The following GGNBP2 variants were observed in gnomAD, a reference collection of about 807,000 sequenced individuals.
GGNBP2 encodes gametogenetin-binding protein 2.
GGNBP2 carries 10 observed loss-of-function variants against 85.9 expected under a neutral mutation model. That is an observed-to-expected ratio of 0.12 (90% confidence interval 0.07 to 0.20). The LOEUF is 0.20. Among genes scored for constraint, GGNBP2 ranks in the 10% least tolerant of loss-of-function variants. The probability of loss-of-function intolerance (pLI) is 1.00; values close to 1 mark genes in which losing one functional copy is unlikely to be tolerated. For missense variants in GGNBP2, 595 were observed against 857.8 expected, an observed-to-expected ratio of 0.69 and a Z score of 3.83; for synonymous variants, 287 against 285.7, an observed-to-expected ratio of 1.00 and a Z score of -0.05.
intron 3 of GGNBP2, 148 bp downstream of exon 3, chr17:36,555,048 C>T: frequency 1.8e-6 from 1 of 552,782 alleles, no homozygotes; most frequent in Non-Finnish European, 3.3e-6. Flanking sequence ...AGTAAGCATG[C>T]ATAGTTATTT....
In GGNBP2 at chr17:36,589,309, A is replaced by C; in HGVS notation, c.1992A>C (p.Gln664His). Residue 664 changes from glutamine to histidine, a missense_variant, in exon 14 of 14, where the codon CAA (glutamine) becomes CAC (histidine). Physicochemically the swap from Gln to His is conservative, Grantham distance 24. Transcript: ENST00000613102. ...AGTCTTTCTACAGCAATAGAGAACAATACCGACAGCATCTGAAGGAGAAAT... is the reference window on the plus strand; with the variant it reads ...AGTCTTTCTACAGCAATAGAGAACACTACCGACAGCATCTGAAGGAGAAAT... ...NNQSFYSNREQYRQHLKEKFN... is the reference protein window; with the variant it reads ...NNQSFYSNREHYRQHLKEKFN... 1 of 1,613,556 alleles carries C rather than the reference A, an allele frequency of 6.2e-7. No homozygotes were observed. Among genetic ancestry groups the C allele is most frequent in the East Asian group, 2.2e-5 (1 of 44,892 alleles).
At chr17:36,574,539 C>T in intron 6 of GGNBP2, 2 of 408,936 alleles carry the variant, frequency 4.9e-6, no homozygotes, top group Admixed American at 3.6e-5. Flanking sequence ...TCAGTGAATT[C>T]CTGACAGGAA....
intron 2 of GGNBP2, among the ~76,000 whole-genome samples, chr17:36,549,894 C>A (rs564216807): frequency 1.3e-4 from 19 of 151,632 alleles, no homozygotes; most frequent in Admixed American, 1.2e-3. Context: ...AGGATAAGAA[C>A]CTTTTGTAAA....
intron 6 of GGNBP2, among the ~76,000 whole-genome samples, chr17:36,570,989 A>G (rs1374181089): frequency 6.6e-6 from 1 of 152,120 alleles, no homozygotes; most frequent in Non-Finnish European, 1.5e-5. Flanking sequence ...TACTGCACTC[A>G]AGCCTGGGTG....
chr17:36,566,892 A>C (rs950624569), intron 5 of GGNBP2, among the ~76,000 whole-genome samples: 1 of 150,668 alleles, frequency 6.6e-6, no homozygotes, highest in African/African-American at 2.4e-5. Context: ...TGAGCTGAGC[A>C]TGGTGGCTCA....
chr17:36,581,320 C>T, intron 8 of GGNBP2, 24 bp from the exon 9 acceptor site: 1 of 1,492,068 alleles, frequency 6.7e-7, no homozygotes, highest in Middle Eastern at 1.8e-4. Flanking sequence ...CCAATATTCA[C>T]CCTCAACCTT....
intron 6 of GGNBP2, among the ~76,000 whole-genome samples, chr17:36,569,043 G>A (rs564659080): frequency 1.0e-4 from 15 of 149,702 alleles, no homozygotes; most frequent in African/African-American, 3.2e-4. Flanking sequence ...GTGAGCCACC[G>A]TGCCTGGCCT....
intron 2 of GGNBP2, 34 bp downstream of exon 2, chr17:36,545,851 C>T (rs775588771): frequency 7.0e-5 from 102 of 1,457,364 alleles, no homozygotes; most frequent in Non-Finnish European, 9.5e-5. Flanking sequence ...GCCCGCCGCT[C>T]CCCTGGCAGC....
rs776677029 is a variant in GGNBP2, at chr17:36,575,613, C to CATATATATAT, written c.642-2343_642-2334dup. Among the ~76,000 whole-genome samples the CATATATATAT allele has an allele frequency of 3.0e-3, 202 of 66,850 alleles. 5 individuals are homozygous for CATATATATAT. The highest frequency in any genetic ancestry group is 4.0e-3 in the African/African-American group (46 of 11,388). The allele number at this position is 66,850 out of a possible 152,430, so 43.9% of individuals were successfully genotyped here. A position where few individuals can be genotyped will look rare whatever the true frequency, so the allele number is the denominator to read the frequency against. Reference sequence around the variant, plus strand: ...AGTGGGCTTAGAGCCTCTAATGTAACATATATATATATATATATATATATA... The same window carrying CATATATATAT: ...AGTGGGCTTAGAGCCTCTAATGTAACATATATATATATATATATATATATATATATATATA... On this transcript the variant is annotated intron_variant, in intron 6 of 13. Transcript: ENST00000613102.
chr17:36,575,714 T>G (rs1305096147), intron 6 of GGNBP2, among the ~76,000 whole-genome samples: 1 of 144,202 alleles, frequency 6.9e-6, no homozygotes, highest in Non-Finnish European at 1.5e-5. Flanking sequence ...TGGTGCGATC[T>G]TGGCTCACTG....
intron 2 of GGNBP2, among the ~76,000 whole-genome samples, chr17:36,554,238 G>A (rs561024477): frequency 4.0e-5 from 6 of 148,966 alleles, no homozygotes; most frequent in Non-Finnish European, 7.4e-5. Flanking sequence ...GAACCCAGGA[G>A]GTGGAGGTTG....
At chr17:36,560,945 T>TAG in intron 5 of GGNBP2, 74 bp downstream of exon 5, 1 of 793,234 alleles carries the variant, frequency 1.3e-6, no homozygotes, top group East Asian at 2.6e-5. Context: ...GTAAAAGAAA[T>TAG]AAACCCACTG....
intron 4 of GGNBP2, among the ~76,000 whole-genome samples, chr17:36,558,035 C>G (rs2074379948): frequency 6.6e-6 from 1 of 151,914 alleles, no homozygotes; most frequent in South Asian, 2.1e-4. Context: ...TCACTTGAAC[C>G]CAGGAGGCAG....
chr17:36,589,007 A>C (rs1419020863), intron 13 of GGNBP2, among the ~76,000 whole-genome samples: 1 of 152,142 alleles, frequency 6.6e-6, no homozygotes, highest in Non-Finnish European at 1.5e-5. Flanking sequence ...CAAGGTTTCA[A>C]CTCAAGGAGT....
intron 2 of GGNBP2, among the ~76,000 whole-genome samples, chr17:36,550,071 G>A (rs2074294451): frequency 6.6e-6 from 1 of 152,000 alleles, no homozygotes; most frequent in Non-Finnish European, 1.5e-5. Flanking sequence ...CTGAGTAGCT[G>A]GGATTACAGG....
rs117553739 is a variant in GGNBP2 at position 36,564,951 on chromosome 17, G to A, written c.528-2712G>A. On this transcript the variant is annotated intron_variant, in intron 5 of 13. Transcript: ENST00000613102. ...TTTGAGATCTGGAAGAAAGATCTAG[G>A]CTGGAGTTGTAGGCCTGTAGTTTAT... Among the ~76,000 whole-genome samples the A allele has an allele frequency of 5.3e-3, 801 of 152,292 alleles. 13 individuals are homozygous for A. The highest frequency in any genetic ancestry group is 0.026 in the East Asian group (135 of 5,192).
intron 9 of GGNBP2, among the ~76,000 whole-genome samples, chr17:36,584,426 C>T (rs984084572): frequency 6.6e-6 from 1 of 152,130 alleles, no homozygotes; most frequent in Non-Finnish European, 1.5e-5. Context: ...CAGGCTCTGC[C>T]GTCCGTGTTC....
chr17:36,574,856 A>G (rs972298184), intron 6 of GGNBP2: 16 of 706,772 alleles, frequency 2.3e-5, no homozygotes, highest in Non-Finnish European at 3.6e-5. Context: ...CACAGGGACA[A>G]TAGAGAGCTT....
chr17:36,574,801 G>A (rs947763540), intron 6 of GGNBP2: 2 of 660,016 alleles, frequency 3.0e-6, no homozygotes, highest in Non-Finnish European at 2.7e-6. Context: ...GCTTGCAAGG[G>A]ATGGTGTGGG....
Sources: gnomAD v4.1 joint callset for allele counts (sites outside exome capture counted in the v4.1 genomes callset) on GRCh38, gnomAD v4.1.1 for gene constraint, MANE v1.5 for transcripts, NCBI Gene and HGNC (gene_info 2026-07-23, HGNC 2026-07-21) for gene names.